The following FILIP1L variants were observed in gnomAD, a reference collection of about 807,000 sequenced individuals.
The protein encoded by FILIP1L is filamin A-interacting protein 1-like.
Under a neutral mutation model 96.6 loss-of-function variants are expected in FILIP1L, and 55 were observed. That is an observed-to-expected ratio of 0.57 (90% CI 0.46 to 0.71). The LOEUF (loss-of-function observed/expected upper bound fraction) is 0.71. Ranked by LOEUF, FILIP1L falls within the 30% of genes least tolerant of loss-of-function variation. The probability of loss-of-function intolerance (pLI) is 0.00; values close to 1 mark genes in which losing one functional copy is unlikely to be tolerated. For missense variants in FILIP1L, 1,304 were observed against 1,321.2 expected (o/e 0.99, Z 0.20); for synonymous variants, 467 against 473.9 (o/e 0.99, Z 0.19).
chr3:99,993,642 G>A (rs1166038458), intron 1 of FILIP1L, among the ~76,000 whole-genome samples: 6 of 152,042 alleles, frequency 3.9e-5, no homozygotes, highest in Admixed American at 3.9e-4. Context: ...TTATGTTAAT[G>A]TGTGTTCCTT....
Position 99,829,580 on chromosome 3 carries a change from C to T in FILIP1L, c.*834G>A, listed in dbSNP as rs1942608698. Among the ~76,000 whole-genome samples, 1 of 152,216 alleles carries T rather than the reference C, an allele frequency of 6.6e-6. No individual in the cohort carries two copies. The highest frequency in any genetic ancestry group is 1.5e-5 in the Non-Finnish European group (1 of 68,040). ...GATTGATGAATGCAAAGCTCGTTGT[C>T]ACATGAATGAAAATCTAGGATTGGA... On this transcript the variant is annotated 3_prime_UTR_variant, in exon 6 of 6. Transcript: ENST00000477258.
intron 1 of FILIP1L, among the ~76,000 whole-genome samples, chr3:99,986,612 A>G (rs887125456): frequency 8.5e-5 from 13 of 152,168 alleles, no homozygotes; most frequent in Non-Finnish European, 1.6e-4. Context: ...CCAACTGCAC[A>G]TGGAGAGAAG....
At chr3:99,973,076 A>G (rs1262920762) in intron 1 of FILIP1L, among the ~76,000 whole-genome samples, 1 of 152,206 alleles carries the variant, frequency 6.6e-6, no homozygotes, top group Non-Finnish European at 1.5e-5. Context: ...GGAACAATGG[A>G]TGGAATGACA....
intron 1 of FILIP1L, among the ~76,000 whole-genome samples, chr3:99,983,388 A>AT (rs1491480374): frequency 0.06 from 1,019 of 16,996 alleles, 38 homozygotes; most frequent in African/African-American, 0.071. Context: ...ATAAATAAAT[A>AT]AATATATATA....
chr3:100,001,549 C>T (rs995507228), intron 1 of FILIP1L, among the ~76,000 whole-genome samples: 4 of 152,094 alleles, frequency 2.6e-5, no homozygotes, highest in African/African-American at 9.7e-5. Context: ...TATCTGATTG[C>T]TTTTCGTAGG....
At chr3:99,832,262 G>C (rs1331326350) in intron 5 of FILIP1L, among the ~76,000 whole-genome samples, 2 of 141,340 alleles carry the variant, frequency 1.4e-5, no homozygotes, top group South Asian at 2.2e-4. Flanking sequence ...ACGGAGTCTC[G>C]CTGTATCACC....
intron 1 of FILIP1L, among the ~76,000 whole-genome samples, chr3:100,076,328 T>C (rs1292768770): frequency 6.6e-6 from 1 of 152,224 alleles, no homozygotes; most frequent in Non-Finnish European, 1.5e-5. Context: ...TCTGAAAGAA[T>C]GTTTAAAGCC....
chr3:99,901,367 A>C (rs1177939880), intron 4 of FILIP1L, among the ~76,000 whole-genome samples: 1 of 152,210 alleles, frequency 6.6e-6, no homozygotes, highest in Non-Finnish European at 1.5e-5. Flanking sequence ...ATTAATGCCA[A>C]ATCCTCAAAA....
chr3:100,003,169 A>G (rs1411728226), intron 1 of FILIP1L, among the ~76,000 whole-genome samples: 2 of 152,198 alleles, frequency 1.3e-5, no homozygotes, highest in Non-Finnish European at 1.5e-5. Context: ...AAATCTGATT[A>G]GAAGCACTTT....
At chr3:99,851,929 C>T (rs766299105) in intron 4 of FILIP1L, among the ~76,000 whole-genome samples, 2 of 152,086 alleles carry the variant, frequency 1.3e-5, no homozygotes, top group Non-Finnish European at 2.9e-5. Flanking sequence ...GAAGAGCATG[C>T]GGTTTGGTAG....
intron 1 of FILIP1L, among the ~76,000 whole-genome samples, chr3:100,013,054 G>T (rs938907724): frequency 6.6e-6 from 1 of 151,542 alleles, no homozygotes; most frequent in South Asian, 2.1e-4. Flanking sequence ...TGTTTGTTTT[G>T]TTTGGAGAGA....
chr3:99,875,958 A>G (rs1481385409), intron 4 of FILIP1L: 4 of 704,918 alleles, frequency 5.7e-6, no homozygotes, highest in Non-Finnish European at 7.0e-6. Context: ...GCTTTGCGAA[A>G]CCTGTCTGCA....
At position 99,999,194 on chromosome 3, in the gene FILIP1L, C is replaced by G. The variant is rs13320602; in HGVS notation, c.-10-68164G>C. Among the ~76,000 whole-genome samples the G allele has an allele frequency of 5.0e-3, 760 of 152,156 alleles. 5 individuals are homozygous for G. The highest frequency in any genetic ancestry group is 0.017 in the African/African-American group (715 of 41,524). On this transcript the variant is annotated intron_variant, in intron 1 of 5. Coordinates refer to ENST00000477258, the MANE Select transcript of FILIP1L (RefSeq NM_001387850.1). Reference sequence around the variant, plus strand: ...AGCAGCCTTTATTTTTTAATGATCTCTAGGTGAGGAAGCATATTTAAGCAA... The same window carrying G: ...AGCAGCCTTTATTTTTTAATGATCTGTAGGTGAGGAAGCATATTTAAGCAA...
At chr3:99,986,001 T>C (rs1709330155) in intron 1 of FILIP1L, among the ~76,000 whole-genome samples, 1 of 152,212 alleles carries the variant, frequency 6.6e-6, no homozygotes. Flanking sequence ...CTAATAGGAC[T>C]TAATGAGATA....
At chr3:99,909,652 A>G (rs1278534673) in intron 4 of FILIP1L, among the ~76,000 whole-genome samples, 1 of 152,216 alleles carries the variant, frequency 6.6e-6, no homozygotes, top group Non-Finnish European at 1.5e-5. Flanking sequence ...ATAGGGTATC[A>G]AGTGTGTCAT....
chr3:99,978,966 T>C (rs1453952991), intron 1 of FILIP1L, among the ~76,000 whole-genome samples: 1 of 151,636 alleles, frequency 6.6e-6, no homozygotes, highest in Non-Finnish European at 1.5e-5. Flanking sequence ...TATGGAGAGG[T>C]TGGTTAACAG....
intron 1 of FILIP1L, among the ~76,000 whole-genome samples, chr3:100,022,216 A>C (rs1259262162): frequency 6.6e-6 from 1 of 152,202 alleles, no homozygotes; most frequent in Admixed American, 6.5e-5. Context: ...TTGCAGTAGC[A>C]TTGAGAGAGA....
At chr3:99,928,268 T>C (rs1707360429) in intron 3 of FILIP1L, among the ~76,000 whole-genome samples, 1 of 152,188 alleles carries the variant, frequency 6.6e-6, no homozygotes, top group South Asian at 2.1e-4. Flanking sequence ...TAGTACTTCC[T>C]AGACCGAGGA....
At chr3:100,062,772 G>T (rs946469016) in intron 1 of FILIP1L, among the ~76,000 whole-genome samples, 1 of 152,152 alleles carries the variant, frequency 6.6e-6, no homozygotes, top group Non-Finnish European at 1.5e-5. Context: ...GCTTTGTCCT[G>T]GTTCCTCAGC....
Sources: gnomAD v4.1 joint callset for allele counts (sites outside exome capture counted in the v4.1 genomes callset) on GRCh38, gnomAD v4.1.1 for gene constraint, MANE v1.5 for transcripts, NCBI Gene and HGNC (gene_info 2026-07-23, HGNC 2026-07-21) for gene names.